Variants in SLMAP observed in about 807,000 individuals in gnomAD.
The protein encoded by SLMAP is sarcolemma associated protein.
SLMAP carries 44 observed loss-of-function variants against 128.8 expected under a neutral mutation model. That is an observed-to-expected ratio of 0.34 (90% confidence interval 0.27 to 0.44). SLMAP has a LOEUF of 0.44. Ranked by LOEUF, SLMAP falls within the 20% of genes least tolerant of loss-of-function variation. The probability of loss-of-function intolerance (pLI) is 1.00; values close to 1 mark genes in which losing one functional copy is unlikely to be tolerated. For missense variants in SLMAP, 787 were observed against 985.3 expected, an observed-to-expected ratio of 0.80 and a Z score of 2.69; for synonymous variants, 327 against 348.8, an observed-to-expected ratio of 0.94 and a Z score of 0.70.
chr3:57,805,208 C>T (rs765894175), intron 2 of SLMAP, among the ~76,000 whole-genome samples: 1 of 152,030 alleles, frequency 6.6e-6, no homozygotes, highest in Non-Finnish European at 1.5e-5. Context: ...AATGTGTGTT[C>T]CTAAATGTTC....
chr3:57,783,151 A>G lies in SLMAP; in HGVS notation c.198+25302A>G, dbSNP rs372099417. On this transcript the variant is annotated intron_variant, in intron 2 of 24. Transcript: ENST00000671191. ...TAATGGGTAGAGAAGAATTTGGAGG[A>G]GCAGGCTAGGAAAAGCCAGTTGTGG... Among the ~76,000 whole-genome samples the G allele has an allele frequency of 1.7e-4, 26 of 152,336 alleles. No homozygotes were observed. The South Asian group carries it at 5.4e-3, about 32-fold the overall frequency.
chr3:57,854,316 G>T (rs549734284), intron 6 of SLMAP, among the ~76,000 whole-genome samples: 15 of 26,070 alleles, frequency 5.8e-4, no homozygotes, highest in African/African-American at 2.5e-3. Context: ...GTATATATTG[G>T]CCGGGCACGG....
rs1261534362 is a variant in SLMAP, at chr3:57,861,944, C to T, written c.829-5C>T. ...AATTAAATTGCCTGTAAACTTGAAT[C>T]GCAGCGAAGTCTGAGTAATACTGAA... On this transcript the variant is annotated splice_region_variant and splice_polypyrimidine_tract_variant and intron_variant, in intron 9 of 24. Coordinates refer to ENST00000671191, the MANE Select transcript of SLMAP (RefSeq NM_001377540.1). 12 of 1,608,032 alleles carry T rather than the reference C, an allele frequency of 7.5e-6. No homozygotes were observed. The highest frequency in any genetic ancestry group is 1.7e-4 in the Middle Eastern group (1 of 6,042).
chr3:57,860,711 G>A lies in SLMAP; in HGVS notation c.700G>A (p.Asp234Asn). The change falls in exon 9 of 25, where the codon GAT becomes AAT. Residue 234 changes from aspartate (D) to asparagine (N), a missense_variant. Asp to Asn is a conservative substitution (Grantham distance 23, BLOSUM62 1). This residue lies in a region of SLMAP where 715 missense variants were observed against 843.6 expected (regional missense o/e 0.85). Coordinates refer to ENST00000671191, the MANE Select transcript of SLMAP (RefSeq NM_001377540.1). ...TCTTTTATTGTAGAATCAAACAGAAGATAGTTTACGAAAGGAACTTATAGC... is the reference window on the plus strand; with the variant it reads ...TCTTTTATTGTAGAATCAAACAGAAAATAGTTTACGAAAGGAACTTATAGC... ...LQACSKNQTEDSLRKELIALQ... is the reference protein window; with the variant it reads ...LQACSKNQTENSLRKELIALQ... The A allele has an allele frequency of 6.4e-7, 1 of 1,558,914 alleles. No homozygotes were observed. Among genetic ancestry groups the A allele is most frequent in the Non-Finnish European group, 8.6e-7 (1 of 1,159,758 alleles).
At chr3:57,767,118 C>T (rs1025576709) in intron 2 of SLMAP, among the ~76,000 whole-genome samples, 10 of 151,950 alleles carry the variant, frequency 6.6e-5, no homozygotes, top group African/African-American at 2.4e-4. Context: ...GGGATTTCAC[C>T]ATGTTGCCCA....
intron 9 of SLMAP, among the ~76,000 whole-genome samples, 189 bp downstream of exon 9, chr3:57,861,028 C>T (rs2095031738): frequency 2.0e-5 from 3 of 152,090 alleles, no homozygotes; most frequent in South Asian, 2.1e-4. Flanking sequence ...GTACTTACTC[C>T]CTAGTCAATG....
chr3:57,844,217 AC>A (rs1241076392), intron 4 of SLMAP, among the ~76,000 whole-genome samples: 3 of 151,808 alleles, frequency 2.0e-5, no homozygotes, highest in African/African-American at 7.3e-5. Context: ...ACAGGGCAAA[AC>A]CCCGTCTCTA....
intron 6 of SLMAP, among the ~76,000 whole-genome samples, chr3:57,850,825 G>C (rs897876848): frequency 6.6e-6 from 1 of 152,008 alleles, no homozygotes; most frequent in Non-Finnish European, 1.5e-5. Flanking sequence ...AGTAGAGACA[G>C]GGTTTTACCA....
At chr3:57,834,216 A>C (rs2093505194) in intron 3 of SLMAP, among the ~76,000 whole-genome samples, 1 of 152,220 alleles carries the variant, frequency 6.6e-6, no homozygotes, top group Non-Finnish European at 1.5e-5. Context: ...AAAACGAATA[A>C]GTAAAAGAAT....
intron 22 of SLMAP, among the ~76,000 whole-genome samples, chr3:57,920,045 G>A (rs1466596256): frequency 2.0e-5 from 3 of 152,056 alleles, no homozygotes; most frequent in Non-Finnish European, 4.4e-5. Context: ...TGGTGGAAAA[G>A]GAAAGTAAGG....
chr3:57,794,256 T>A (rs539532050), intron 2 of SLMAP, among the ~76,000 whole-genome samples: 2 of 152,284 alleles, frequency 1.3e-5, no homozygotes, highest in South Asian at 2.1e-4. Flanking sequence ...CTCCTGGTTC[T>A]TAATTTTCTG....
At chr3:57,765,389 T>TA (rs903085044) in intron 2 of SLMAP, among the ~76,000 whole-genome samples, 15 of 151,060 alleles carry the variant, frequency 9.9e-5, no homozygotes, top group Admixed American at 4.0e-4. Context: ...AGACCCATCT[T>TA]AAAAAAAAAT....
chr3:57,908,326 T>G (rs1433111585), intron 18 of SLMAP, among the ~76,000 whole-genome samples: 1 of 152,248 alleles, frequency 6.6e-6, no homozygotes, highest in African/African-American at 2.4e-5. Context: ...TGCCTAATGT[T>G]AGCTAATGTC....
chr3:57,837,260 C>T (rs1458707705), intron 3 of SLMAP, among the ~76,000 whole-genome samples: 1 of 152,206 alleles, frequency 6.6e-6, no homozygotes, highest in Non-Finnish European at 1.5e-5. Context: ...AGCTGTGCAA[C>T]TATAGGAAGT....
chr3:57,809,841 T>C (rs114479362), intron 2 of SLMAP, among the ~76,000 whole-genome samples: 77 of 152,294 alleles, frequency 5.1e-4, no homozygotes, highest in African/African-American at 1.9e-3. Flanking sequence ...ACTCTGTCAC[T>C]CAGTAAAGCT....
chr3:57,840,708 A>C (rs1017117771), intron 3 of SLMAP, among the ~76,000 whole-genome samples: 1 of 152,236 alleles, frequency 6.6e-6, no homozygotes, highest in African/African-American at 2.4e-5. Flanking sequence ...CAAGAAAACA[A>C]AACAAAATTT....
At chr3:57,786,207 C>G (rs2084054041) in intron 2 of SLMAP, among the ~76,000 whole-genome samples, 1 of 152,152 alleles carries the variant, frequency 6.6e-6, no homozygotes, top group Admixed American at 6.5e-5. Flanking sequence ...AGATTTATTT[C>G]TTGCTCATGT....
chr3:57,852,844 T>TCCTA (rs2153583146), intron 6 of SLMAP, among the ~76,000 whole-genome samples: 1 of 152,344 alleles, frequency 6.6e-6, no homozygotes, highest in Non-Finnish European at 1.5e-5. Context: ...ATCCCTAGTG[T>TCCTA]CCTAATCCTC....
At chr3:57,869,261 T>C (rs996352247) in intron 13 of SLMAP, among the ~76,000 whole-genome samples, 2 of 151,000 alleles carry the variant, frequency 1.3e-5, no homozygotes, top group Non-Finnish European at 2.9e-5. Flanking sequence ...CACATTTTTC[T>C]GACTGCTTAT....
Sources: gnomAD v4.1 joint callset for allele counts (sites outside exome capture counted in the v4.1 genomes callset) on GRCh38, gnomAD v4.1.1 for gene constraint, gnomAD v4.1.1 regional missense constraint, MANE v1.5 for transcripts, NCBI Gene and HGNC (gene_info 2026-07-23, HGNC 2026-07-21) for gene names.